LPIN2: variants seen among roughly 807,000 people sequenced by gnomAD.
LPIN2 encodes the protein phosphatidate phosphatase LPIN2.
LPIN2 carries 55 observed loss-of-function variants against 111.4 expected under a neutral mutation model. The observed-to-expected ratio is 0.49, with a 90% CI of 0.40 to 0.62. The LOEUF is 0.62. Among genes scored for constraint, LPIN2 ranks in the 20% least tolerant of loss-of-function variants. LPIN2 has a pLI of 0.00. For missense variants in LPIN2, 992 were observed against 1,112.1 expected (o/e 0.89, Z 1.54); for synonymous variants, 425 against 414.0 (o/e 1.03, Z -0.32).
intron 2 of LPIN2, among the ~76,000 whole-genome samples, chr18:2,956,203 G>T (rs968310088): frequency 2.6e-5 from 4 of 152,124 alleles, no homozygotes; most frequent in African/African-American, 9.7e-5. Context: ...CATGTTTCCT[G>T]TTGAAAGAGA....
chr18:2,967,038 T>C (rs999153158), intron 1 of LPIN2: 2 of 152,196 alleles, frequency 1.3e-5, no homozygotes, highest in African/African-American at 4.8e-5. Flanking sequence ...ACACCCATGA[T>C]TACGGTTTGC....
chr18:2,969,131 G>A (rs1379243564), intron 1 of LPIN2, among the ~76,000 whole-genome samples: 2 of 152,100 alleles, frequency 1.3e-5, no homozygotes, highest in Non-Finnish European at 2.9e-5. Flanking sequence ...CATTCTGGGT[G>A]GTTTTAAAAA....
At chr18:2,922,271 A>C (rs75522578) in intron 16 of LPIN2, 72 bp from the exon 17 acceptor site, 64 of 1,511,880 alleles carry the variant, frequency 4.2e-5, no homozygotes, top group Admixed American at 9.6e-5. Flanking sequence ...CAAAAAAAAA[A>C]CCCCACACTT....
rs1324394940 is a variant in LPIN2, at chr18:2,937,821, C to T, written c.1039G>A (p.Glu347Lys). 1.2e-6 allele frequency: 2 copies of T among 1,614,076 alleles called. No homozygotes were observed. The highest frequency in any genetic ancestry group is 1.1e-5 in the South Asian group (1 of 91,068). Residue 347 changes from glutamate to lysine, a missense_variant, in exon 7 of 20, where the codon GAA becomes AAA. Around this residue, in one of 4 missense-constraint regions of LPIN2, gnomAD observed 709 missense variants for 753.2 expected, o/e 0.94. Coordinates refer to ENST00000677752, the MANE Select transcript of LPIN2 (RefSeq NM_001375808.2). ...SDPTSVAELL[E>K]PPLESTQISS... Reference sequence around the variant, plus strand: ...ATCTGAGTACTCTCAAGAGGAGGTTCGAGAAGCTCTGCCACAGATGTTGGG... The same window carrying T: ...ATCTGAGTACTCTCAAGAGGAGGTTTGAGAAGCTCTGCCACAGATGTTGGG...
intron 4 of LPIN2, among the ~76,000 whole-genome samples, chr18:2,947,068 GATC>G (rs1568553428): frequency 6.6e-6 from 1 of 152,212 alleles, no homozygotes; most frequent in Non-Finnish European, 1.5e-5. Context: ...GAAGTATGCA[GATC>G]ATCAGAGCAG....
chr18:2,920,873 A>G lies in LPIN2; in HGVS notation c.2451T>C (p.Tyr817=), dbSNP rs2144112680. 1 of 1,611,006 alleles carries G rather than the reference A, an allele frequency of 6.2e-7. No individual in the cohort carries two copies. Among genetic ancestry groups the G allele is most frequent in the Non-Finnish European group, 8.5e-7 (1 of 1,177,122 alleles). ...AAFGNRPNDV[Y]AYTQVGVPDC... is the part of the protein sequence containing the mutation. ...CTGGAACTCCAACTTGTGTGTAGGC[A>G]TAGACATCCTGCAGAAGAAAATAGC... is the stretch of plus-strand genomic sequence containing the variant. Residue 817 remains tyrosine, a synonymous_variant, in exon 19 of 20, where the codon TAT becomes TAC. Transcript: ENST00000677752.
At chr18:2,947,689 T>G (rs2077474866) in intron 4 of LPIN2, among the ~76,000 whole-genome samples, 1 of 152,230 alleles carries the variant, frequency 6.6e-6, no homozygotes, top group South Asian at 2.1e-4. Flanking sequence ...TTTATGCATT[T>G]ATCTTCTCTG....
chr18:2,987,945 G>A (rs368009378), intron 1 of LPIN2, among the ~76,000 whole-genome samples: 16 of 149,502 alleles, frequency 1.1e-4, no homozygotes, highest in East Asian at 7.8e-4. Context: ...AGGCTGAGGC[G>A]GAGGTTGCAG....
rs1441849515 is a variant in LPIN2 at position 2,927,762 on chromosome 18, C to T, written c.1670G>A (p.Arg557His). The T allele has an allele frequency of 2.5e-6, 4 of 1,614,208 alleles. No homozygotes were observed. Among genetic ancestry groups the T allele is most frequent in the Non-Finnish European group, 3.4e-6 (4 of 1,180,028 alleles). ...TTCTCTCTTTCGCCAAAACCACCAG[C>T]GACCAGATTTCTTTGGCATCTTGTC... ...VKDKMPKKSG[R>H]WWFWRKRESM... Residue 557 changes from arginine (R) to histidine (H), a missense_variant, in exon 12 of 20, where the codon CGC (arginine) becomes CAC (histidine). Arg to His is a conservative substitution (Grantham distance 29, BLOSUM62 0). Transcript: ENST00000677752.
Position 2,919,701 on chromosome 18 carries a change from G to C in LPIN2, c.*592C>G. On this transcript the variant is annotated 3_prime_UTR_variant, in exon 20 of 20. Transcript: ENST00000677752. Reference sequence around the variant, plus strand: ...AAAGAGGGCCAGGTTTATGGGACTGGGCTCAGTGGCTCTGGTGCATGGGCC... The same window carrying C: ...AAAGAGGGCCAGGTTTATGGGACTGCGCTCAGTGGCTCTGGTGCATGGGCC... 6.0e-6 allele frequency: 1 copy of C among 166,280 alleles called. No homozygotes were observed. Among genetic ancestry groups the C allele is most frequent in the Admixed American group, 5.6e-5 (1 of 17,930 alleles). 10.3% of individuals were successfully genotyped at this position (166,280 alleles called of 1,614,324 possible).
At chr18:3,002,809 C>G (rs913606168) in intron 1 of LPIN2, among the ~76,000 whole-genome samples, 8 of 152,178 alleles carry the variant, frequency 5.3e-5, no homozygotes, top group African/African-American at 1.9e-4. Flanking sequence ...TCAGACTTTC[C>G]CACAATCGCT....
chr18:2,945,061 T>A (rs1484170719), intron 4 of LPIN2, among the ~76,000 whole-genome samples: 1 of 152,114 alleles, frequency 6.6e-6, no homozygotes, highest in Non-Finnish European at 1.5e-5. Context: ...TCATCCCACA[T>A]AGAAAAAACT....
rs62077485 is a variant in LPIN2 at position 2,954,952 on chromosome 18, G to T, written c.193-353C>A. On this transcript the variant is annotated intron_variant, in intron 2 of 19. Coordinates refer to ENST00000677752, the MANE Select transcript of LPIN2 (RefSeq NM_001375808.2). ...GGCAGGCCTCACCTCACACGGTTCA[G>T]ATACACACAAGTTTCAGGAACCTCA... is the stretch of plus-strand genomic sequence containing the variant. 1.1e-3 allele frequency among the ~76,000 whole-genome samples: 165 copies of T among 152,286 alleles called. 1 individual carries two copies. Among genetic ancestry groups the T allele is most frequent in the Non-Finnish European group, 1.9e-3 (127 of 68,028 alleles).
At chr18:2,990,255 T>C (rs1199063577) in intron 1 of LPIN2, among the ~76,000 whole-genome samples, 3 of 152,174 alleles carry the variant, frequency 2.0e-5, no homozygotes, top group Non-Finnish European at 2.9e-5. Context: ...ATTTGGCAAA[T>C]GATTCTCAGA....
chr18:2,924,341 T>A (rs560662784), intron 15 of LPIN2, 57 bp downstream of exon 15: 15 of 1,607,510 alleles, frequency 9.3e-6, no homozygotes, highest in Non-Finnish European at 1.3e-5. Flanking sequence ...ACACACTGCC[T>A]GCCCCTCCCT....
At chr18:3,009,138 G>A (rs973585615) in intron 1 of LPIN2, among the ~76,000 whole-genome samples, 4 of 151,984 alleles carry the variant, frequency 2.6e-5, no homozygotes, top group South Asian at 2.1e-4. Context: ...GGTGGCTCAC[G>A]TCTGTAATCC....
intron 1 of LPIN2, chr18:2,990,934 C>A (rs752856976): frequency 9.0e-6 from 5 of 558,356 alleles, no homozygotes; most frequent in Non-Finnish European, 1.8e-5. Flanking sequence ...GGGCCCTCCT[C>A]CTGGGATGAT....
intron 1 of LPIN2, among the ~76,000 whole-genome samples, chr18:2,993,109 C>T (rs1466960813): frequency 2.7e-5 from 4 of 150,552 alleles, no homozygotes; most frequent in Non-Finnish European, 4.4e-5. Context: ...TGCACCACTG[C>T]GCTCCAGCCT....
rs1476056180 is a variant in LPIN2 at position 2,927,747 on chromosome 18, C to T, written c.1685G>A (p.Arg562Gln). 1.2e-6 allele frequency: 2 copies of T among 1,614,182 alleles called. No individual in the cohort carries two copies. Among genetic ancestry groups the T allele is most frequent in the East Asian group, 2.2e-5 (1 of 44,884 alleles). The change falls in exon 12 of 20, where the codon CGA becomes CAA. Residue 562 changes from arginine to glutamine, a missense_variant. This residue lies in a region of LPIN2 where 709 missense variants were observed against 753.2 expected (regional missense o/e 0.94). Transcript: ENST00000677752. ...CTGTTTGGTCATGCTTTCTCTCTTT[C>T]GCCAAAACCACCAGCGACCAGATTT... ...PKKSGRWWFW[R>Q]KRESMTKQLP...
Sources: gnomAD v4.1 joint callset for allele counts (sites outside exome capture counted in the v4.1 genomes callset) on GRCh38, gnomAD v4.1.1 for gene constraint, gnomAD v4.1.1 regional missense constraint, MANE v1.5 for transcripts, NCBI Gene and HGNC (gene_info 2026-07-23, HGNC 2026-07-21) for gene names.